The following MYLK variants were observed in gnomAD, a reference collection of about 807,000 sequenced individuals.
The protein encoded by MYLK is myosin light chain kinase, smooth muscle.
Under a neutral mutation model 203.4 loss-of-function variants are expected in MYLK, and 106 were observed. The observed-to-expected ratio is 0.52, with a 90% CI of 0.45 to 0.61. MYLK has a LOEUF of 0.61. Among genes scored for constraint, MYLK ranks in the 20% least tolerant of loss-of-function variants. The probability of loss-of-function intolerance (pLI) is 0.00; values close to 1 mark genes in which losing one functional copy is unlikely to be tolerated. For synonymous variants in MYLK, 867 were observed against 959.5 expected (o/e 0.90, Z 1.78); for missense variants, 2,072 against 2,442.3 (o/e 0.85, Z 3.20).
chr3:123,792,495 T>C (rs9855573), intron 4 of MYLK, among the ~76,000 whole-genome samples: 29,690 of 152,180 alleles, frequency 0.2, 5,039 homozygotes, highest in African/African-American at 0.46. Flanking sequence ...TCTGTCTCTA[T>C]AGATATTCCT....
chr3:123,720,017 TG>T (rs2062031754), intron 13 of MYLK, among the ~76,000 whole-genome samples: 1 of 152,210 alleles, frequency 6.6e-6, no homozygotes, highest in Admixed American at 6.5e-5. Flanking sequence ...GCCCAAATGC[TG>T]CCGGGCCTGA....
At chr3:123,656,047 T>A (rs1429956758) in intron 24 of MYLK, among the ~76,000 whole-genome samples, 1 of 152,208 alleles carries the variant, frequency 6.6e-6, no homozygotes, top group African/African-American at 2.4e-5. Flanking sequence ...CTCCTGAGGC[T>A]TGAAGTTCGT....
At position 123,640,184 on chromosome 3, in the gene MYLK, G is replaced by A. The variant is rs545705651; in HGVS notation, c.4837+103C>T. ...AAACCTGGGAAGTCTTCATGGTCTC[G>A]GATTTAACCCCAATACTGTATGTTT... On this transcript the variant is annotated intron_variant, in intron 28 of 33. Coordinates refer to ENST00000360304, the MANE Select transcript of MYLK (RefSeq NM_053025.4). This position sits in a 1 kb window ranked among gnomAD's most constrained non-coding sequence, Gnocchi z 4.3. 38 of 1,127,312 alleles carry A rather than the reference G, an allele frequency of 3.4e-5. No homozygotes were observed. The highest frequency in any genetic ancestry group is 3.3e-4 in the East Asian group (14 of 42,034). The allele number at this position is 1,127,312 out of a possible 1,614,324, so 69.8% of individuals were successfully genotyped here.
intron 19 of MYLK, among the ~76,000 whole-genome samples, chr3:123,685,208 T>C (rs1004977560): frequency 6.6e-6 from 1 of 152,230 alleles, no homozygotes; most frequent in Non-Finnish European, 1.5e-5. Flanking sequence ...TTTCCACATC[T>C]GTACAAGGGA....
At chr3:123,676,713 AC>A (rs2060082374) in intron 20 of MYLK, among the ~76,000 whole-genome samples, 1 of 152,216 alleles carries the variant, frequency 6.6e-6, no homozygotes, top group Non-Finnish European at 1.5e-5. Flanking sequence ...GGAGGCAGGG[AC>A]CCTTGGAGCA....
intron 2 of MYLK, among the ~76,000 whole-genome samples, chr3:123,863,477 G>A (rs2032089373): frequency 6.6e-6 from 1 of 151,430 alleles, no homozygotes; most frequent in South Asian, 2.1e-4. Flanking sequence ...ATAAAGAACT[G>A]GTATTCAGAA....
chr3:123,652,293 TAA>T (rs539866148), intron 24 of MYLK, among the ~76,000 whole-genome samples: 18 of 144,258 alleles, frequency 1.2e-4, no homozygotes, highest in African/African-American at 3.0e-4. Context: ...CCACTGAACT[TAA>T]AAAAAAAAAA....
At chr3:123,701,641 C>A in intron 16 of MYLK, 132 bp from the exon 17 acceptor site, 2 of 835,932 alleles carry the variant, frequency 2.4e-6, no homozygotes, top group South Asian at 1.4e-5. Flanking sequence ...ACATTCACCC[C>A]AGCCTTAGAT....
In MYLK at chr3:123,640,306, A is replaced by G. The variant is rs1044750960; in HGVS notation, c.4818T>C (p.Phe1606=). 1.8e-5 allele frequency: 29 copies of G among 1,613,734 alleles called. No homozygotes were observed. The highest frequency in any genetic ancestry group is 2.4e-5 in the Non-Finnish European group (28 of 1,179,974). The stretch of plus-strand genomic sequence containing the variant: ...CCTTACCCAGCCTCCTGGCCAGACC[A>G]AAGTCGATGAGCTTGATCCTGGTGC... ...KTGTRIKLID[F]GLARRLENAG... The change falls in exon 28 of 34, where the codon TTT becomes TTC. Residue 1606 remains phenylalanine (F), a synonymous_variant. Coordinates refer to ENST00000360304, the MANE Select transcript of MYLK (RefSeq NM_053025.4). This position sits in a 1 kb window ranked among gnomAD's most constrained non-coding sequence, Gnocchi z 4.3.
intron 2 of MYLK, among the ~76,000 whole-genome samples, chr3:123,870,375 C>A (rs1169686277): frequency 6.6e-6 from 1 of 152,174 alleles, no homozygotes; most frequent in Admixed American, 6.5e-5. Context: ...GAAGCTGCAG[C>A]AGAGTACCAC....
intron 28 of MYLK, chr3:123,638,638 G>C (rs1251334965): frequency 5.8e-6 from 3 of 517,574 alleles, no homozygotes; most frequent in African/African-American, 2.1e-5. Context: ...ACATGAGTGA[G>C]GCCCAGGGAA....
chr3:123,643,590 A>G (rs945379512), intron 27 of MYLK, among the ~76,000 whole-genome samples: 2 of 152,220 alleles, frequency 1.3e-5, no homozygotes, highest in African/African-American at 4.8e-5. Flanking sequence ...ACTTAATGCT[A>G]TGGGTGGAAA....
intron 5 of MYLK, among the ~76,000 whole-genome samples, chr3:123,742,972 G>A (rs1054703906): frequency 3.3e-5 from 5 of 152,112 alleles, no homozygotes; most frequent in Non-Finnish European, 2.9e-5. Flanking sequence ...GGGGGAGGAG[G>A]GGATGGGGAA....
At chr3:123,748,942 G>A (rs768248450) in intron 5 of MYLK, among the ~76,000 whole-genome samples, 1 of 152,074 alleles carries the variant, frequency 6.6e-6, no homozygotes, top group African/African-American at 2.4e-5. Flanking sequence ...GATGGCACAC[G>A]CCTGTAATCC....
intron 3 of MYLK, chr3:123,800,326 C>G (rs1159011909): frequency 6.6e-6 from 1 of 152,224 alleles, no homozygotes; most frequent in African/African-American, 2.4e-5. Context: ...ACTCCAACCC[C>G]TTGGCACATC....
Position 123,629,661 on chromosome 3 carries a change from A to T in MYLK, c.4962-35T>A. 2 of 1,612,538 alleles carry T rather than the reference A, an allele frequency of 1.2e-6. No individual in the cohort carries two copies. Among genetic ancestry groups the T allele is most frequent in the Non-Finnish European group, 1.7e-6 (2 of 1,179,778 alleles). On this transcript the variant is annotated intron_variant, in intron 29 of 33. Transcript: ENST00000360304. This position sits in a 1 kb window ranked among gnomAD's most constrained non-coding sequence, Gnocchi z 4.4. ...CAAGAGCAGGACAGCAGGTGTGGCT[A>T]GGAGAGGGCGCGACGACCAGGTGAG...
At chr3:123,709,015 T>C (rs2061576001) in intron 14 of MYLK, 120 bp from the exon 15 acceptor site, 5 of 812,442 alleles carry the variant, frequency 6.2e-6, no homozygotes, top group Non-Finnish European at 1.0e-5. Flanking sequence ...ATGCTTTCAC[T>C]TCCCCATCAG....
chr3:123,811,080 T>G (rs1385556000), intron 3 of MYLK, among the ~76,000 whole-genome samples: 1 of 152,066 alleles, frequency 6.6e-6, no homozygotes, highest in Non-Finnish European at 1.5e-5. Context: ...CTGGAGAAGG[T>G]ATGGAAAAAA....
At chr3:123,759,635 C>T (rs1190514648) in intron 4 of MYLK, among the ~76,000 whole-genome samples, 12 of 152,322 alleles carry the variant, frequency 7.9e-5, no homozygotes, top group East Asian at 5.8e-4. Flanking sequence ...GGCCAAAGCA[C>T]TTGGTCTCAA....
Sources: gnomAD v4.1 joint callset for allele counts (sites outside exome capture counted in the v4.1 genomes callset) on GRCh38, gnomAD v4.1.1 for gene constraint, Gnocchi (gnomAD v3.1) non-coding constraint, MANE v1.5 for transcripts, NCBI Gene and HGNC (gene_info 2026-07-23, HGNC 2026-07-21) for gene names.